The following GALNT13 variants were observed in gnomAD, a reference collection of about 807,000 sequenced individuals.
GALNT13 encodes the protein UDP-GalNAc:polypeptide N-acetylgalactosaminyltransferase 13.
In GALNT13, 28 loss-of-function variants were observed where a neutral mutation model predicts 64.2. The observed-to-expected ratio is 0.44, with a 90% CI of 0.32 to 0.60. GALNT13 has a LOEUF of 0.60. Among genes scored for constraint, GALNT13 ranks in the 20% least tolerant of loss-of-function variants. The probability of loss-of-function intolerance (pLI) is 0.05; values close to 1 mark genes in which losing one functional copy is unlikely to be tolerated. For synonymous variants in GALNT13, 214 were observed against 224.6 expected (o/e 0.95, Z 0.42); for missense variants, 577 against 669.8 (o/e 0.86, Z 1.53).
At chr2:153,621,598 T>G in the GALNT13 span, among the ~76,000 whole-genome samples, 1 of 152,120 alleles carries the variant, frequency 6.6e-6, no homozygotes. Context: ...GAGACAACAG[T>G]CAAAAACCTT....
intron 11 of GALNT13, among the ~76,000 whole-genome samples, chr2:154,431,319 C>T (rs1700700259): frequency 6.6e-6 from 1 of 152,118 alleles, no homozygotes; most frequent in South Asian, 2.1e-4. Context: ...TTCATTAGCA[C>T]AGGCTCATGC....
chr2:153,119,360 A>C, the GALNT13 span, among the ~76,000 whole-genome samples: 1 of 152,226 alleles, frequency 6.6e-6, no homozygotes, highest in Non-Finnish European at 1.5e-5. Flanking sequence ...ACCCTAAATT[A>C]ATCAGTTTTT....
chr2:153,965,253 C>G (rs1049297954), intron 3 of GALNT13, among the ~76,000 whole-genome samples: 1 of 152,024 alleles, frequency 6.6e-6, no homozygotes, highest in African/African-American at 2.4e-5. Context: ...TAAATTATTG[C>G]TAACTATACT....
At chr2:153,100,826 T>C in the GALNT13 span, among the ~76,000 whole-genome samples, 1 of 152,116 alleles carries the variant, frequency 6.6e-6, no homozygotes, top group African/African-American at 2.4e-5. Context: ...GCCAGGAGTT[T>C]GAGACCAACC....
intron 3 of GALNT13, among the ~76,000 whole-genome samples, chr2:154,011,892 T>C (rs62172822): frequency 0.2 from 31,165 of 152,142 alleles, 4,122 homozygotes; most frequent in Middle Eastern, 0.33. Flanking sequence ...CTTCTGATAT[T>C]TTTAATTTTA....
chr2:154,183,487 G>C (rs1480651537), intron 4 of GALNT13, among the ~76,000 whole-genome samples: 1 of 152,104 alleles, frequency 6.6e-6, no homozygotes, highest in Non-Finnish European at 1.5e-5. Context: ...TGAGGCGGTT[G>C]ATTGCTTGAG....
chr2:153,726,549 C>T, the GALNT13 span, among the ~76,000 whole-genome samples: 2 of 152,140 alleles, frequency 1.3e-5, no homozygotes, highest in Non-Finnish European at 2.9e-5. Flanking sequence ...AATGCCTAAA[C>T]TTCTACCTGC....
the GALNT13 span, among the ~76,000 whole-genome samples, chr2:153,166,668 T>TGTGA: frequency 6.9e-6 from 1 of 144,356 alleles, no homozygotes; most frequent in South Asian, 2.2e-4. Flanking sequence ...TGTGTGTGTG[T>TGTGA]GTGATGGGAC....
intron 4 of GALNT13, among the ~76,000 whole-genome samples, chr2:154,222,394 A>G (rs1157829710): frequency 6.6e-6 from 1 of 152,276 alleles, no homozygotes; most frequent in East Asian, 1.9e-4. Context: ...AGCCAATATC[A>G]TGAAAGATAA....
the GALNT13 span, among the ~76,000 whole-genome samples, chr2:153,083,739 T>C: frequency 5.3e-4 from 81 of 152,358 alleles, 1 homozygote; most frequent in Admixed American, 4.7e-3. Flanking sequence ...CTTTTTCATT[T>C]AATGAAGTCC....
the GALNT13 span, among the ~76,000 whole-genome samples, chr2:153,363,953 C>T: frequency 1.6e-4 from 24 of 152,220 alleles, no homozygotes; most frequent in East Asian, 4.6e-3. Context: ...AACTTCAGGC[C>T]AATATTTCTG....
the GALNT13 span, among the ~76,000 whole-genome samples, chr2:153,545,947 C>A: frequency 1.3e-5 from 2 of 152,164 alleles, no homozygotes; most frequent in Non-Finnish European, 2.9e-5. Context: ...GGTTCCAGAG[C>A]CCTGTAATGT....
At chr2:153,277,629 C>A in the GALNT13 span, among the ~76,000 whole-genome samples, 2 of 152,116 alleles carry the variant, frequency 1.3e-5, no homozygotes, top group African/African-American at 4.8e-5. Context: ...AATATCTAAG[C>A]TGTTTTCCAT....
chr2:154,106,351 G>A (rs1702614482), intron 3 of GALNT13, among the ~76,000 whole-genome samples: 1 of 151,870 alleles, frequency 6.6e-6, no homozygotes, highest in Non-Finnish European at 1.5e-5. Flanking sequence ...GAATTCATTT[G>A]GTAAAACATG....
chr2:154,396,762 G>T (rs903064439), intron 10 of GALNT13, among the ~76,000 whole-genome samples: 1 of 151,972 alleles, frequency 6.6e-6, no homozygotes, highest in Non-Finnish European at 1.5e-5. Flanking sequence ...AGTGAAAACT[G>T]CAAGTAATAT....
the GALNT13 span, among the ~76,000 whole-genome samples, chr2:153,522,311 C>T: frequency 5.3e-5 from 8 of 151,100 alleles, no homozygotes; most frequent in Admixed American, 2.6e-4. Flanking sequence ...CCAGCCTGGG[C>T]GACAGAGTGA....
chr2:154,301,566 A>G lies in GALNT13; in HGVS notation c.1133A>G (p.Asp378Gly), dbSNP rs114820557. Residue 378 changes from aspartate to glycine, a missense_variant, in exon 9 of 13, where the codon GAT becomes GGT. Around this residue, in one of 3 missense-constraint regions of GALNT13, gnomAD observed 232 missense variants for 270.6 expected, o/e 0.86. Coordinates refer to ENST00000392825, the MANE Select transcript of GALNT13 (RefSeq NM_052917.4). ...LAEVWMDEFK[D>G]FFYIISPGVV... The stretch of plus-strand genomic sequence containing the variant: ...GAAGTTTGGATGGATGAATTTAAAG[A>G]TTTCTTCTACATCATATCCCCAGGT... The G allele has an allele frequency of 1.1e-3, 1,729 of 1,612,476 alleles. 1 individual carries two copies. The highest frequency in any genetic ancestry group is 1.4e-3 in the Non-Finnish European group (1,626 of 1,178,796).
the GALNT13 span, among the ~76,000 whole-genome samples, chr2:153,529,624 A>G: frequency 6.6e-6 from 1 of 152,016 alleles, no homozygotes; most frequent in Non-Finnish European, 1.5e-5. Context: ...ATACAGGCCA[A>G]TATCTCATGA....
the GALNT13 span, among the ~76,000 whole-genome samples, chr2:153,358,259 T>A: frequency 2.6e-5 from 4 of 152,218 alleles, no homozygotes; most frequent in African/African-American, 7.2e-5. Flanking sequence ...CCAGTATGTA[T>A]GTCTTTATCA....
Sources: allele counts gnomAD v4.1 joint callset (sites outside exome capture counted in the v4.1 genomes callset), GRCh38; gene constraint gnomAD v4.1.1; regional missense constraint gnomAD v4.1.1; transcripts MANE v1.5; gene names NCBI Gene and HGNC (gene_info 2026-07-23, HGNC 2026-07-21).